ANG: variants seen among roughly 807,000 people sequenced by gnomAD.
ANG encodes the protein Homo sapiens epididymis luminal protein 168.
For missense variants in ANG, 178 were observed against 187.4 expected (o/e 0.95, Z 0.29); for synonymous variants, 74 against 73.8 (o/e 1.00, Z -0.02).
intron 1 of ANG, among the ~76,000 whole-genome samples, chr14:20,690,279 G>C (rs1349022848): frequency 6.8e-6 from 1 of 146,912 alleles, no homozygotes; most frequent in Non-Finnish European, 1.5e-5. Flanking sequence ...ACAGAGAACA[G>C]CTGGGACTAA....
chr14:20,687,520 C>G (rs895155390), upstream of ANG, among the ~76,000 whole-genome samples: 5 of 152,140 alleles, frequency 3.3e-5, no homozygotes, highest in South Asian at 4.1e-4. Context: ...GGCAGGGTAC[C>G]GCTTTTCGGG....
upstream of ANG, among the ~76,000 whole-genome samples, chr14:20,687,790 C>G (rs552701315): frequency 3.9e-5 from 6 of 152,338 alleles, no homozygotes; most frequent in South Asian, 1.2e-3. Flanking sequence ...ATTTGTTTTA[C>G]TAGCAGGCAG....
At chr14:20,686,765 C>T (rs1420934816), upstream of ANG, among the ~76,000 whole-genome samples, 2 of 152,130 alleles carry the variant, frequency 1.3e-5, no homozygotes, top group African/African-American at 4.8e-5. Flanking sequence ...CCTGTTACTT[C>T]CGTTATTGAA....
At chr14:20,692,383 T>G (rs1886804966) in intron 1 of ANG, among the ~76,000 whole-genome samples, 1 of 152,236 alleles carries the variant, frequency 6.6e-6, no homozygotes, top group African/African-American at 2.4e-5. Flanking sequence ...ATTAGCTGAC[T>G]AATTAGCTAG....
chr14:20,693,051 G>T lies in ANG; in HGVS notation c.-18-496G>T, dbSNP rs528805279. ...TTTAGTAGAGACGGGGTTTCACCGT[G>T]GTAGCCAGGATGGTCTCGATCTCCT... On this transcript the variant is annotated intron_variant, in intron 1 of 1. Transcript: ENST00000397990. Among the ~76,000 whole-genome samples, 19 of 151,710 alleles carry T rather than the reference G, an allele frequency of 1.3e-4. No individual in the cohort carries two copies. The South Asian group carries it at 1.5e-3, about 12-fold the overall frequency.
upstream of ANG, among the ~76,000 whole-genome samples, chr14:20,686,125 T>C (rs1001965931): frequency 6.6e-6 from 1 of 152,042 alleles, no homozygotes; most frequent in Admixed American, 6.6e-5. Flanking sequence ...AATACATGTC[T>C]CTTTCTCTGT....
upstream of ANG, among the ~76,000 whole-genome samples, chr14:20,685,355 C>T (rs1201636186): frequency 6.6e-6 from 1 of 152,174 alleles, no homozygotes; most frequent in East Asian, 1.9e-4. Flanking sequence ...AGCGCAACAT[C>T]TTTATTAAAA....
chr14:20,691,268 T>C (rs1295566684), intron 1 of ANG, among the ~76,000 whole-genome samples: 1 of 152,228 alleles, frequency 6.6e-6, no homozygotes, highest in Non-Finnish European at 1.5e-5. Context: ...ATTTCTGATT[T>C]CTGGGATTCT....
At chr14:20,691,723 T>G (rs1210159981) in intron 1 of ANG, among the ~76,000 whole-genome samples, 1 of 152,240 alleles carries the variant, frequency 6.6e-6, no homozygotes, top group African/African-American at 2.4e-5. Flanking sequence ...ATTTTTTCAT[T>G]CCACAATAAT....
Position 20,688,830 on chromosome 14 carries a change from C to T in ANG, c.-63C>T, listed in dbSNP as rs373246782. The T allele has an allele frequency of 1.9e-4, 184 of 985,364 alleles. 1 individual carries two copies. In the South Asian group the frequency reaches 7.2e-3, roughly 38 times the overall value. 61.0% of individuals were successfully genotyped at this position (985,364 alleles called of 1,614,324 possible). ...GAACAAACAGCTGGAACCCATCTCC[C>T]GTTGAAGGGAAACTGCCAGATTTTT... On this transcript the variant is annotated 5_prime_UTR_variant, in exon 1 of 2. Transcript: ENST00000397990.
chr14:20,693,554 T>C lies in ANG; in HGVS notation c.-11T>C, dbSNP rs199609607. On this transcript the variant is annotated 5_prime_UTR_variant, in exon 2 of 2. Coordinates refer to ENST00000397990, the MANE Select transcript of ANG (RefSeq NM_001097577.3). ...TCCTTTTGCCCTCCGCAGGAGCCTGTGTTGGAAGAGATGGTGATGGGCCTG... is the reference window on the plus strand; with the variant it reads ...TCCTTTTGCCCTCCGCAGGAGCCTGCGTTGGAAGAGATGGTGATGGGCCTG... 2.5e-6 allele frequency: 4 copies of C among 1,611,682 alleles called. No individual in the cohort carries two copies. In the East Asian group the frequency reaches 8.9e-5, roughly 36 times the overall value.
rs201135457 is a variant in ANG at position 20,693,919 on chromosome 14, C to T, written c.355C>T (p.Arg119Ter). 5 of 1,614,150 alleles carry T rather than the reference C, an allele frequency of 3.1e-6. No homozygotes were observed. Among genetic ancestry groups the T allele is most frequent in the East Asian group, 2.2e-5 (1 of 44,880 alleles). The change falls in exon 2 of 2, where the codon CGA (arginine) becomes TGA (stop). Residue 119 changes from arginine to a stop codon, truncating the protein, a stop_gained. Coordinates refer to ENST00000397990, the MANE Select transcript of ANG (RefSeq NM_001097577.3). LOFTEE classifies it low-confidence loss of function (END_TRUNC). Reference protein sequence around the residue: ...GGSPWPPCQYRATAGFRNVVV... With the variant: ...GGSPWPPCQY ...TTCCCCCTGGCCTCCATGCCAGTACCGAGCCACAGCGGGGTTCAGAAACGT... is the reference window on the plus strand; with the variant it reads ...TTCCCCCTGGCCTCCATGCCAGTACTGAGCCACAGCGGGGTTCAGAAACGT...
chr14:20,688,826 C>T lies in ANG; in HGVS notation c.-67C>T. ...CCAGGAACAAACAGCTGGAACCCAT[C>T]TCCCGTTGAAGGGAAACTGCCAGAT... On this transcript the variant is annotated 5_prime_UTR_variant, in exon 1 of 2. Coordinates refer to ENST00000397990, the MANE Select transcript of ANG (RefSeq NM_001097577.3). 2.0e-6 allele frequency: 2 copies of T among 985,434 alleles called. No individual in the cohort carries two copies. The highest frequency in any genetic ancestry group is 2.4e-6 in the Non-Finnish European group (2 of 829,928). The allele number at this position is 985,434 out of a possible 1,614,324, so 61.0% of individuals were successfully genotyped here. A position where few individuals can be genotyped will look rare whatever the true frequency, so the allele number is the denominator to read the frequency against.
Position 20,690,975 on chromosome 14 carries a change from C to T in ANG, c.-19+2101C>T, listed in dbSNP as rs1296355249. On this transcript the variant is annotated intron_variant, in intron 1 of 1. Coordinates refer to ENST00000397990, the MANE Select transcript of ANG (RefSeq NM_001097577.3). ...CAGGTCGGTCTTTATTTTGTGATAT[C>T]CTTATGGGTAGATTCTGAACTTTGT... Among the ~76,000 whole-genome samples the T allele has an allele frequency of 2.0e-5, 3 of 152,166 alleles. No homozygotes were observed. The East Asian group carries it at 5.8e-4, about 29-fold the overall frequency.
intron 1 of ANG, among the ~76,000 whole-genome samples, chr14:20,689,730 G>T (rs567288670): frequency 1.2e-4 from 18 of 151,914 alleles, no homozygotes; most frequent in Admixed American, 4.6e-4. Flanking sequence ...CAGCCTGGCC[G>T]ACATGGCGAA....
upstream of ANG, among the ~76,000 whole-genome samples, chr14:20,687,461 T>C (rs1886479284): frequency 6.6e-6 from 1 of 152,188 alleles, no homozygotes; most frequent in Non-Finnish European, 1.5e-5. Flanking sequence ...AATTGGTGCT[T>C]CAGGCCATGG....
upstream of ANG, among the ~76,000 whole-genome samples, chr14:20,687,014 G>GA (rs917757085): frequency 6.6e-6 from 1 of 152,190 alleles, no homozygotes; most frequent in African/African-American, 2.4e-5. Context: ...AAATCTCCAG[G>GA]AAAGGGGAAT....
upstream of ANG, among the ~76,000 whole-genome samples, chr14:20,688,078 T>C (rs987513865): frequency 1.3e-5 from 2 of 152,146 alleles, no homozygotes; most frequent in Admixed American, 6.5e-5. Context: ...AGATAAGCAA[T>C]TTTGCAACTA....
In ANG at chr14:20,693,632, T is replaced by G. The variant is rs1239441971; in HGVS notation, c.68T>G (p.Leu23Arg). Residue 23 changes from leucine to arginine, a missense_variant, in exon 2 of 2, where the codon CTG becomes CGG. Transcript: ENST00000397990. ...GGTCTGGGTCTGACCCCACCGACCC[T>G]GGCTCAGGATAACTCCAGGTACACA... ...VLGLGLTPPT[L>R]AQDNSRYTHF... is the part of the protein sequence containing the mutation. 1 of 1,614,114 alleles carries G rather than the reference T, an allele frequency of 6.2e-7. No individual in the cohort carries two copies. The highest frequency in any genetic ancestry group is 1.3e-5 in the African/African-American group (1 of 75,026).
Sources: gnomAD v4.1 joint callset for allele counts (sites outside exome capture counted in the v4.1 genomes callset) on GRCh38, gnomAD v4.1.1 for gene constraint, MANE v1.5 for transcripts, NCBI Gene and HGNC (gene_info 2026-07-23, HGNC 2026-07-21) for gene names.